FGD5: variants seen among roughly 807,000 people sequenced by gnomAD.
FGD5 encodes the protein FYVE, RhoGEF and PH domain-containing protein 5.
A neutral mutation model predicts 133.4 loss-of-function variants in FGD5; 28 were observed. The ratio of observed to expected loss-of-function variants is 0.21; its 90% CI spans 0.16 to 0.29. The LOEUF (loss-of-function observed/expected upper bound fraction) is 0.29. Ranked by LOEUF, FGD5 falls within the 10% of genes least tolerant of loss-of-function variation. The pLI, the probability that FGD5 is intolerant of heterozygous loss-of-function variation, is 1.00. For missense variants in FGD5, 1,858 were observed against 1,895.2 expected (o/e 0.98, Z 0.36); for synonymous variants, 810 against 776.5 (o/e 1.04, Z -0.72).
chr3:14,883,666 C>T (rs1032264866), intron 4 of FGD5, among the ~76,000 whole-genome samples: 1 of 152,228 alleles, frequency 6.6e-6, no homozygotes, highest in African/African-American at 2.4e-5. Context: ...CTTGGAGCCC[C>T]AAAGCTGAAT....
chr3:14,822,626 G>A (rs576059909), intron 1 of FGD5, among the ~76,000 whole-genome samples: 2 of 151,986 alleles, frequency 1.3e-5, no homozygotes, highest in Non-Finnish European at 2.9e-5. Flanking sequence ...GTGGATAATT[G>A]CCAAATCTTG....
intron 2 of FGD5, among the ~76,000 whole-genome samples, chr3:14,878,870 C>A (rs561122580): frequency 2.0e-5 from 3 of 152,108 alleles, no homozygotes; most frequent in Non-Finnish European, 4.4e-5. Context: ...CCATGCCCGG[C>A]TAATCTTTTT....
At chr3:14,903,929 A>G (rs974453706) in intron 9 of FGD5, among the ~76,000 whole-genome samples, 2 of 152,058 alleles carry the variant, frequency 1.3e-5, no homozygotes, top group African/African-American at 2.4e-5. Context: ...GATGAGCTTG[A>G]CAGTTTTCAG....
intron 1 of FGD5, among the ~76,000 whole-genome samples, chr3:14,856,545 T>C (rs1437725192): frequency 6.6e-6 from 1 of 152,226 alleles, no homozygotes; most frequent in Non-Finnish European, 1.5e-5. Context: ...TTGATTTTTT[T>C]CATCAGTGTT....
At chr3:14,923,984 C>G (rs774051751) in intron 16 of FGD5, 24 bp from the exon 17 acceptor site, 1 of 1,613,716 alleles carries the variant, frequency 6.2e-7, no homozygotes, top group East Asian at 2.2e-5. Flanking sequence ...CACCTCCCTT[C>G]CATGTGGCTT....
intron 4 of FGD5, among the ~76,000 whole-genome samples, chr3:14,892,445 C>T (rs2038047784): frequency 1.3e-5 from 2 of 152,144 alleles, no homozygotes; most frequent in South Asian, 2.1e-4. Flanking sequence ...GCGATCCTCC[C>T]GTGTTGGCCT....
At chr3:14,923,985 C>T (rs767631827) in intron 16 of FGD5, 23 bp from the exon 17 acceptor site, 36 of 1,613,606 alleles carry the variant, frequency 2.2e-5, no homozygotes, top group Non-Finnish European at 2.6e-5. Flanking sequence ...ACCTCCCTTC[C>T]ATGTGGCTTC....
intron 1 of FGD5, 60 bp downstream of exon 1, chr3:14,821,656 G>C: frequency 6.8e-7 from 1 of 1,463,588 alleles, no homozygotes; most frequent in Non-Finnish European, 9.0e-7. Flanking sequence ...GAGGCAGCGT[G>C]GGTGTGGGGG....
intron 1 of FGD5, among the ~76,000 whole-genome samples, chr3:14,834,230 G>GGGA (rs1375666564): frequency 6.6e-6 from 1 of 152,134 alleles, no homozygotes; most frequent in Non-Finnish European, 1.5e-5. Flanking sequence ...AGTATATTAT[G>GGGA]GGAGAATGCA....
rs752490768 is a variant in FGD5 at position 14,923,106 on chromosome 3, G to A, written c.3868G>A (p.Ala1290Thr). 1 of 1,613,912 alleles carries A rather than the reference G, an allele frequency of 6.2e-7. No individual in the cohort carries two copies. ...YPLKYLKDRMAKVCDGCFGEL... is the reference protein window; with the variant it reads ...YPLKYLKDRMTKVCDGCFGEL... Reference sequence around the variant, plus strand: ...GCTGAAGTACCTGAAGGACAGGATGGCCAAGGTCTGCGACGGCTGCTTCGG... The same window carrying A: ...GCTGAAGTACCTGAAGGACAGGATGACCAAGGTCTGCGACGGCTGCTTCGG... Residue 1290 changes from alanine to threonine, a missense_variant, in exon 16 of 20, where the codon GCC becomes ACC. By Grantham distance (58) the Ala-to-Thr change is moderately conservative. Coordinates refer to ENST00000285046, the MANE Select transcript of FGD5 (RefSeq NM_152536.4).
Position 14,897,633 on chromosome 3 carries a change from G to A in FGD5, c.2873G>A (p.Gly958Asp). 1 of 1,606,610 alleles carries A rather than the reference G, an allele frequency of 6.2e-7. No individual in the cohort carries two copies. The highest frequency in any genetic ancestry group is 8.5e-7 in the Non-Finnish European group (1 of 1,176,516). Residue 958 changes from glycine (G) to aspartate (D), a missense_variant, in exon 5 of 20, where the codon GGC becomes GAC. By Grantham distance (94) the Gly-to-Asp change is moderately conservative. This residue lies in a region of FGD5 where 1,824 missense variants were observed against 1,848.9 expected (regional missense o/e 0.99). Transcript: ENST00000285046. ...CCAGCCATCCACGACCTTCATCAAGGCATCCTGGAGGAGCTGGAGGAAAGG... is the reference window on the plus strand; with the variant it reads ...CCAGCCATCCACGACCTTCATCAAGACATCCTGGAGGAGCTGGAGGAAAGG... ...ELPAIHDLHQ[G>D]ILEELEERLS... is the part of the protein sequence containing the mutation.
At chr3:14,838,596 A>C (rs949311930) in intron 1 of FGD5, among the ~76,000 whole-genome samples, 6 of 152,160 alleles carry the variant, frequency 3.9e-5, no homozygotes, top group Non-Finnish European at 8.8e-5. Context: ...CAGCTCAACA[A>C]ATCTTATTTG....
At chr3:14,851,000 G>A (rs1020620806) in intron 1 of FGD5, among the ~76,000 whole-genome samples, 1 of 152,184 alleles carries the variant, frequency 6.6e-6, no homozygotes, top group Non-Finnish European at 1.5e-5. Context: ...ATAAAATAAA[G>A]CCACAGCGCG....
At chr3:14,823,373 G>C (rs1206433342) in intron 1 of FGD5, among the ~76,000 whole-genome samples, 2 of 152,188 alleles carry the variant, frequency 1.3e-5, no homozygotes, top group African/African-American at 4.8e-5. Flanking sequence ...CTGATCATGA[G>C]GAAGAGTTTC....
chr3:14,861,992 T>C (rs1031210384), intron 1 of FGD5, among the ~76,000 whole-genome samples: 3 of 152,138 alleles, frequency 2.0e-5, no homozygotes, highest in African/African-American at 7.2e-5. Flanking sequence ...TTACAAATGT[T>C]CAGGCAGGAG....
chr3:14,901,118 C>G, intron 9 of FGD5, 57 bp downstream of exon 9: 1 of 1,572,906 alleles, frequency 6.4e-7, no homozygotes, highest in Non-Finnish European at 8.8e-7. Context: ...ACCTCCCCAC[C>G]AGCTCCGGTC....
intron 1 of FGD5, among the ~76,000 whole-genome samples, chr3:14,830,279 T>C (rs575721445): frequency 6.6e-6 from 1 of 152,340 alleles, no homozygotes; most frequent in Non-Finnish European, 1.5e-5. Flanking sequence ...CTTGTTGAAA[T>C]TGACTGATGA....
At chr3:14,904,505 G>GGTGTGTGTGTGTGTGT (rs55744974) in intron 9 of FGD5, among the ~76,000 whole-genome samples, 1 of 150,848 alleles carries the variant, frequency 6.6e-6, no homozygotes, top group Non-Finnish European at 1.5e-5. Context: ...TAGATTTCAG[G>GGTGTGTGTGTGTGTGT]GTGTGTGTGT....
chr3:14,829,187 T>G (rs746645044), intron 1 of FGD5, among the ~76,000 whole-genome samples: 1 of 152,046 alleles, frequency 6.6e-6, no homozygotes, highest in African/African-American at 2.4e-5. Flanking sequence ...GAAAGGATCT[T>G]GGAGTGTTCA....
Sources: gnomAD v4.1 joint callset for allele counts (sites outside exome capture counted in the v4.1 genomes callset) on GRCh38, gnomAD v4.1.1 for gene constraint, gnomAD v4.1.1 regional missense constraint, MANE v1.5 for transcripts, NCBI Gene and HGNC (gene_info 2026-07-23, HGNC 2026-07-21) for gene names.